NEGR1: variants seen among roughly 807,000 people sequenced by gnomAD.
The protein encoded by NEGR1 is neuronal growth regulator 1.
In NEGR1, 10 loss-of-function variants were observed where a neutral mutation model predicts 40.9. The ratio of observed to expected loss-of-function variants is 0.24; its 90% CI spans 0.15 to 0.42. NEGR1 has a LOEUF of 0.42. Among genes scored for constraint, NEGR1 ranks in the 10% least tolerant of loss-of-function variants. NEGR1 has a pLI of 1.00. For synonymous variants in NEGR1, 185 were observed against 166.8 expected, an observed-to-expected ratio of 1.11 and a Z score of -0.84; for missense variants, 352 against 438.9, an observed-to-expected ratio of 0.80 and a Z score of 1.77.
chr1:71,647,661 T>C (rs1651577045), intron 4 of NEGR1, among the ~76,000 whole-genome samples: 1 of 151,964 alleles, frequency 6.6e-6, no homozygotes, highest in Non-Finnish European at 1.5e-5. Flanking sequence ...AGTTTCCTCA[T>C]GGTAGAGACA....
chr1:72,121,917 T>C (rs1220061785), intron 1 of NEGR1, among the ~76,000 whole-genome samples: 1 of 151,890 alleles, frequency 6.6e-6, no homozygotes, highest in Non-Finnish European at 1.5e-5. Flanking sequence ...TAGCTCCTTT[T>C]GTGGGGCAAT....
In NEGR1 at chr1:71,641,979, GC is replaced by G; in HGVS notation, c.668-30834del. Reference sequence around the variant, plus strand: ...CTTTAGGATGATCCATATGCTTGGGGCCTTAGGAAGTACGGTGAGTTAGTGC... The same window carrying G: ...CTTTAGGATGATCCATATGCTTGGGGCTTAGGAAGTACGGTGAGTTAGTGC... On this transcript the variant is annotated intron_variant, in intron 4 of 6. Coordinates refer to ENST00000357731, the MANE Select transcript of NEGR1 (RefSeq NM_173808.3). 1.3e-5 allele frequency among the ~76,000 whole-genome samples: 2 copies of G among 152,048 alleles called. 1 individual carries two copies. Among genetic ancestry groups the G allele is most frequent in the Admixed American group, 1.3e-4 (2 of 15,256 alleles).
chr1:71,578,058 T>C (rs1649018567), intron 6 of NEGR1, among the ~76,000 whole-genome samples: 2 of 152,122 alleles, frequency 1.3e-5, no homozygotes, highest in African/African-American at 4.8e-5. Context: ...GGAGCCATAC[T>C]GAATAAAGGC....
intron 4 of NEGR1, among the ~76,000 whole-genome samples, chr1:71,686,746 A>G (rs1653054007): frequency 6.6e-6 from 1 of 152,208 alleles, no homozygotes; most frequent in South Asian, 2.1e-4. Flanking sequence ...CTGAACTATT[A>G]GTCAGAATTA....
chr1:72,077,225 C>T (rs1050368827), intron 1 of NEGR1, among the ~76,000 whole-genome samples: 15 of 151,734 alleles, frequency 9.9e-5, no homozygotes, highest in Non-Finnish European at 1.9e-4. Flanking sequence ...TAAAGGAACA[C>T]GAATGTGATG....
chr1:71,725,225 A>G (rs1313256387), intron 3 of NEGR1, among the ~76,000 whole-genome samples: 4 of 152,180 alleles, frequency 2.6e-5, no homozygotes, highest in African/African-American at 7.2e-5. Context: ...TTTACTATGT[A>G]TCAGACTTTT....
intron 3 of NEGR1, among the ~76,000 whole-genome samples, chr1:71,771,834 G>A (rs1236011876): frequency 6.6e-6 from 1 of 151,858 alleles, no homozygotes; most frequent in Non-Finnish European, 1.5e-5. Context: ...CAGAAGGACT[G>A]CTGAATCTAG....
chr1:72,258,089 T>TA (rs1253485443), intron 1 of NEGR1, among the ~76,000 whole-genome samples: 3 of 152,332 alleles, frequency 2.0e-5, no homozygotes, highest in African/African-American at 7.2e-5. Context: ...CCGGTATTCT[T>TA]AATTTGTGTT....
chr1:72,117,587 A>G (rs906933862), intron 1 of NEGR1, among the ~76,000 whole-genome samples: 1 of 151,804 alleles, frequency 6.6e-6, no homozygotes, highest in Non-Finnish European at 1.5e-5. Context: ...CTACAGTAAT[A>G]CCATGGAATT....
intron 1 of NEGR1, among the ~76,000 whole-genome samples, chr1:72,104,333 A>C (rs1649052775): frequency 6.6e-6 from 1 of 152,136 alleles, no homozygotes; most frequent in Non-Finnish European, 1.5e-5. Flanking sequence ...ATAAGATAAA[A>C]GTAGTAAGGT....
At chr1:72,035,741 T>C (rs1363064635) in intron 1 of NEGR1, among the ~76,000 whole-genome samples, 1 of 152,198 alleles carries the variant, frequency 6.6e-6, no homozygotes, top group Admixed American at 6.6e-5. Context: ...GCAGCAGATC[T>C]TGTGCTTGGC....
At chr1:72,011,273 G>A (rs1450765461) in intron 1 of NEGR1, among the ~76,000 whole-genome samples, 1 of 152,054 alleles carries the variant, frequency 6.6e-6, no homozygotes, top group Non-Finnish European at 1.5e-5. Flanking sequence ...TTCATTACCA[G>A]CAAGTGCCTG....
intron 1 of NEGR1, chr1:72,274,426 A>G (rs1655966715): frequency 2.0e-6 from 1 of 510,468 alleles, no homozygotes; most frequent in African/African-American, 1.9e-5. Context: ...CCTCAAGAGG[A>G]CAGATGGCAC....
At chr1:71,512,864 G>A (rs1032830624) in intron 6 of NEGR1, among the ~76,000 whole-genome samples, 1 of 151,804 alleles carries the variant, frequency 6.6e-6, no homozygotes, top group Non-Finnish European at 1.5e-5. Flanking sequence ...ACAGGCGTGA[G>A]CCACCACGCC....
In NEGR1 at chr1:71,396,086, C is replaced by T. The variant is rs1292325460; in HGVS notation, c.*11360G>A. 1 of 152,116 alleles carries T rather than the reference C, an allele frequency of 6.6e-6. No homozygotes were observed. Among genetic ancestry groups the T allele is most frequent in the African/African-American group, 2.4e-5 (1 of 41,412 alleles). 9.4% of individuals were successfully genotyped at this position (152,116 alleles called of 1,614,324 possible). A position where few individuals can be genotyped will look rare whatever the true frequency, so the allele number is the denominator to read the frequency against. On this transcript the variant is annotated 3_prime_UTR_variant, in exon 7 of 7. Transcript: ENST00000357731. ...AAACACACATGCACACACACACCGA[C>T]ACACACAAAAGAGCCTTTCTTAGGA...
chr1:72,029,514 G>A (rs1164524840), intron 1 of NEGR1, among the ~76,000 whole-genome samples: 3 of 152,168 alleles, frequency 2.0e-5, no homozygotes, highest in Non-Finnish European at 2.9e-5. Flanking sequence ...GATCTATCCA[G>A]TATTGTGTGC....
intron 3 of NEGR1, among the ~76,000 whole-genome samples, chr1:71,716,220 G>T (rs921881324): frequency 6.6e-6 from 1 of 151,992 alleles, no homozygotes; most frequent in Admixed American, 6.5e-5. Flanking sequence ...CATGGGGGAA[G>T]CTACCCCCAT....
At chr1:72,116,866 T>A (rs1345373393) in intron 1 of NEGR1, among the ~76,000 whole-genome samples, 1 of 151,762 alleles carries the variant, frequency 6.6e-6, no homozygotes, top group East Asian at 1.9e-4. Flanking sequence ...TGAATTTTTA[T>A]AGGTTTTTCA....
chr1:71,874,543 A>C (rs1049290041), intron 2 of NEGR1, among the ~76,000 whole-genome samples: 3 of 152,030 alleles, frequency 2.0e-5, no homozygotes, highest in African/African-American at 7.2e-5. Flanking sequence ...TGGGTTTTCT[A>C]CTTTATGGTG....
Sources: allele counts gnomAD v4.1 joint callset (sites outside exome capture counted in the v4.1 genomes callset), GRCh38; gene constraint gnomAD v4.1.1; transcripts MANE v1.5; gene names NCBI Gene and HGNC (gene_info 2026-07-23, HGNC 2026-07-21).